The following TP63 variants were observed in gnomAD, a reference collection of about 807,000 sequenced individuals.
TP63 encodes the protein tumor protein p63, also known as tumor protein 63.
A neutral mutation model predicts 82.8 loss-of-function variants in TP63; 17 were observed. The observed-to-expected ratio is 0.21, with a 90% CI of 0.14 to 0.31. The LOEUF is 0.31. Among genes scored for constraint, TP63 ranks in the 10% least tolerant of loss-of-function variants. The pLI is 1.00. For missense variants in TP63, 648 were observed against 895.3 expected, an observed-to-expected ratio of 0.72 and a Z score of 3.52; for synonymous variants, 330 against 321.7, an observed-to-expected ratio of 1.03 and a Z score of -0.28.
At chr3:189,608,185 G>A in the TP63 span, among the ~76,000 whole-genome samples, 1 of 152,152 alleles carries the variant, frequency 6.6e-6, no homozygotes, top group African/African-American at 2.4e-5. Context: ...GTATGTGTTG[G>A]GGTAGATGGT....
intron 3 of TP63, among the ~76,000 whole-genome samples, chr3:189,807,331 C>T (rs186867648): frequency 6.6e-6 from 1 of 152,346 alleles, no homozygotes; most frequent in East Asian, 1.9e-4. Flanking sequence ...GGCAAATGCT[C>T]TACCTCTCCG....
intron 1 of TP63, among the ~76,000 whole-genome samples, chr3:189,642,628 G>A (rs1407994071): frequency 2.6e-5 from 4 of 151,888 alleles, no homozygotes; most frequent in African/African-American, 9.7e-5. Context: ...TGAGTTAATT[G>A]TACAAATGAC....
chr3:189,789,100 G>C (rs963393844), intron 3 of TP63, among the ~76,000 whole-genome samples: 3 of 151,960 alleles, frequency 2.0e-5, no homozygotes, highest in Non-Finnish European at 4.4e-5. Context: ...GTAATTGCTT[G>C]TTATGAAACC....
chr3:189,775,220 CAAAAAAAAAAAA>C (rs56288032), intron 3 of TP63, among the ~76,000 whole-genome samples: 13 of 93,060 alleles, frequency 1.4e-4, no homozygotes, highest in African/African-American at 3.0e-4. Flanking sequence ...AACTCTGTCT[CAAAAAAAAAAAA>C]AAAAAAAAAA....
rs183498843 is a variant in TP63 at position 189,696,797 on chromosome 3, G to T, written c.63-40943G>T. Among the ~76,000 whole-genome samples the T allele has an allele frequency of 4.3e-3, 648 of 152,002 alleles. 4 individuals are homozygous for T. Among genetic ancestry groups the T allele is most frequent in the Admixed American group, 4.7e-3 (71 of 15,240 alleles). ...CTTTTATTTTCCTATGACAAATTAT[G>T]TTGAAAATGTCTTCATATGCCTATT... On this transcript the variant is annotated intron_variant, in intron 1 of 13. Coordinates refer to ENST00000264731, the MANE Select transcript of TP63 (RefSeq NM_003722.5).
the TP63 span, among the ~76,000 whole-genome samples, chr3:189,614,386 G>A: frequency 2.0e-5 from 3 of 152,258 alleles, no homozygotes; most frequent in East Asian, 1.9e-4. Context: ...GACCCTCTCA[G>A]CCACGTGGAA....
At chr3:189,819,985 G>A (rs1728631873) in intron 4 of TP63, among the ~76,000 whole-genome samples, 1 of 151,918 alleles carries the variant, frequency 6.6e-6, no homozygotes, top group African/African-American at 2.4e-5. Flanking sequence ...TCCTGACCTT[G>A]TGATCCACCC....
At chr3:189,692,981 T>C (rs1376010689) in intron 1 of TP63, among the ~76,000 whole-genome samples, 1 of 152,076 alleles carries the variant, frequency 6.6e-6, no homozygotes, top group Non-Finnish European at 1.5e-5. Context: ...ATTATGAAAA[T>C]CTTTAGAAAA....
chr3:189,633,924 A>G (rs1729610098), intron 1 of TP63, among the ~76,000 whole-genome samples: 1 of 152,124 alleles, frequency 6.6e-6, no homozygotes, highest in Admixed American at 6.6e-5. Flanking sequence ...TCTAAAATAT[A>G]TTTTCCTCAA....
intron 6 of TP63, among the ~76,000 whole-genome samples, chr3:189,867,067 G>A (rs889805382): frequency 1.3e-5 from 2 of 152,106 alleles, no homozygotes; most frequent in Admixed American, 1.3e-4. Context: ...CTGGCAATTG[G>A]GTGTATACAT....
intron 1 of TP63, among the ~76,000 whole-genome samples, chr3:189,692,779 A>T (rs543094544): frequency 2.0e-5 from 3 of 152,284 alleles, no homozygotes; most frequent in African/African-American, 4.8e-5. Flanking sequence ...GACCTGTCAA[A>T]AGCTGCTCAC....
At position 189,866,786 on chromosome 3, in the gene TP63, G is replaced by C; in HGVS notation, c.871G>C (p.Glu291Gln). Residue 291 changes from glutamate to glutamine, a missense_variant, in exon 6 of 14, where the codon GAG (glutamate) becomes CAG (glutamine). By Grantham distance (29) the Glu-to-Gln change is conservative. Around this residue, in one of 5 missense-constraint regions of TP63, gnomAD observed 30 missense variants for 26.4 expected, o/e 1.14. Coordinates refer to ENST00000264731, the MANE Select transcript of TP63 (RefSeq NM_003722.5). ...TGRQSVLVPY[E>Q]PPQVGTEFTT... ...AAGACAGAGTGTGCTGGTACCTTAT[G>C]AGCCACCCCAGGTAAAAAGCAAAAA... is the stretch of plus-strand genomic sequence containing the variant. 1 of 1,613,970 alleles carries C rather than the reference G, an allele frequency of 6.2e-7. No individual in the cohort carries two copies. The highest frequency in any genetic ancestry group is 8.5e-7 in the Non-Finnish European group (1 of 1,179,946).
At chr3:189,880,230 T>A in intron 10 of TP63, 1 of 1,590,608 alleles carries the variant, frequency 6.3e-7, no homozygotes, top group Non-Finnish European at 8.6e-7. Flanking sequence ...TGTGTATATG[T>A]GAGTGTGTGT....
chr3:189,635,853 T>G (rs1729744573), intron 1 of TP63, among the ~76,000 whole-genome samples: 1 of 152,132 alleles, frequency 6.6e-6, no homozygotes. Context: ...ATGTTGTTTA[T>G]GCACATAAGA....
chr3:189,659,082 A>AT (rs1471686484), intron 1 of TP63, among the ~76,000 whole-genome samples: 22 of 152,006 alleles, frequency 1.4e-4, no homozygotes, highest in African/African-American at 4.8e-4. Flanking sequence ...TTCAACTTTT[A>AT]TTTTAGATTC....
the TP63 span, among the ~76,000 whole-genome samples, chr3:189,622,061 C>T: frequency 5.9e-5 from 9 of 152,194 alleles, no homozygotes. Flanking sequence ...TCATGTCCAT[C>T]CCACAGAAGC....
chr3:189,808,137 G>A (rs1180287415), intron 3 of TP63, 135 bp from the exon 4 acceptor site: 2 of 1,461,380 alleles, frequency 1.4e-6, no homozygotes, highest in Admixed American at 1.8e-5. Flanking sequence ...AAAATCAACG[G>A]TTTTACTTTG....
At chr3:189,596,782 C>G in the TP63 span, among the ~76,000 whole-genome samples, 2 of 152,172 alleles carry the variant, frequency 1.3e-5, no homozygotes, top group African/African-American at 4.8e-5. Flanking sequence ...ACTGTGGAAG[C>G]TTTGTTCTTT....
intron 9 of TP63, among the ~76,000 whole-genome samples, chr3:189,871,247 G>A (rs949179780): frequency 6.6e-6 from 1 of 152,104 alleles, no homozygotes; most frequent in Admixed American, 6.5e-5. Context: ...TATATATTTT[G>A]TTGGTGTTTG....
Sources: gnomAD v4.1 joint callset for allele counts (sites outside exome capture counted in the v4.1 genomes callset) on GRCh38, gnomAD v4.1.1 for gene constraint, gnomAD v4.1.1 regional missense constraint, MANE v1.5 for transcripts, NCBI Gene and HGNC (gene_info 2026-07-23, HGNC 2026-07-21) for gene names.